Variants in BMAL2 observed in about 807,000 individuals in gnomAD.
The protein encoded by BMAL2 is basic helix-loop-helix ARNT like 2, also known as basic helix-loop-helix ARNT-like protein 2.
At chr12:27,342,835 A>G in the BMAL2 span, among the ~76,000 whole-genome samples, 36 of 152,270 alleles carry the variant, frequency 2.4e-4, no homozygotes, top group Non-Finnish European at 4.0e-4. Flanking sequence ...TCCATGCATC[A>G]TGGTGCTAGT....
the BMAL2 span, among the ~76,000 whole-genome samples, chr12:27,353,744 A>T: frequency 6.6e-6 from 1 of 152,266 alleles, no homozygotes; most frequent in East Asian, 1.9e-4. Context: ...CAACTGTATT[A>T]AAAAAACGGG....
chr12:27,376,898 G>C, the BMAL2 span, among the ~76,000 whole-genome samples: 2 of 150,536 alleles, frequency 1.3e-5, no homozygotes, highest in Non-Finnish European at 2.9e-5. Flanking sequence ...TACTCGGGGG[G>C]ACTGAGGCAG....
At chr12:27,393,792 G>A in the BMAL2 span, among the ~76,000 whole-genome samples, 1 of 152,208 alleles carries the variant, frequency 6.6e-6, no homozygotes, top group Non-Finnish European at 1.5e-5. Flanking sequence ...AAGTACTGCT[G>A]TAGTGGACCT....
the BMAL2 span, among the ~76,000 whole-genome samples, chr12:27,399,662 T>G: frequency 2.0e-5 from 3 of 152,236 alleles, no homozygotes; most frequent in Non-Finnish European, 4.4e-5. Context: ...GTAATGGAAC[T>G]TTTACCAAAT....
At chr12:27,370,669 A>C in the BMAL2 span, among the ~76,000 whole-genome samples, 1 of 151,964 alleles carries the variant, frequency 6.6e-6, no homozygotes, top group African/African-American at 2.4e-5. Flanking sequence ...CAAATGGCGC[A>C]ATCTCGGCTC....
the BMAL2 span, among the ~76,000 whole-genome samples, chr12:27,366,733 G>A: frequency 6.6e-6 from 1 of 152,166 alleles, no homozygotes; most frequent in Non-Finnish European, 1.5e-5. Context: ...ACCAGAAGTA[G>A]ATAAAAAGCT....
chr12:27,377,199 A>G, the BMAL2 span, among the ~76,000 whole-genome samples: 12 of 152,180 alleles, frequency 7.9e-5, no homozygotes, highest in African/African-American at 2.7e-4. Flanking sequence ...CATGGCAGTA[A>G]CTGTACACAG....
At chr12:27,404,835 G>A in the BMAL2 span, among the ~76,000 whole-genome samples, 1 of 152,178 alleles carries the variant, frequency 6.6e-6, no homozygotes, top group Non-Finnish European at 1.5e-5. Flanking sequence ...AAGGGGTCAG[G>A]GAATTCCCTT....
At chr12:27,377,646 C>T in the BMAL2 span, 1 of 152,156 alleles carries the variant, frequency 6.6e-6, no homozygotes, top group Non-Finnish European at 1.5e-5. Context: ...AAGGCAGAGG[C>T]AGAATAATCA....
chr12:27,365,657 G>A, the BMAL2 span, among the ~76,000 whole-genome samples: 1 of 151,428 alleles, frequency 6.6e-6, no homozygotes, highest in Non-Finnish European at 1.5e-5. Context: ...TAAATATTTA[G>A]CATGATTTTT....
the BMAL2 span, among the ~76,000 whole-genome samples, chr12:27,367,873 C>T: frequency 9.9e-5 from 15 of 151,588 alleles, no homozygotes; most frequent in East Asian, 2.3e-3. Context: ...GAGAGGGAGT[C>T]TCGCTCTGTT....
At chr12:27,405,946 T>C in the BMAL2 span, among the ~76,000 whole-genome samples, 24 of 152,166 alleles carry the variant, frequency 1.6e-4, no homozygotes, top group Non-Finnish European at 2.4e-4. Context: ...ACATGACGAA[T>C]GCAAAGCCTC....
chr12:27,385,490 A>AT, the BMAL2 span: 1 of 1,606,268 alleles, frequency 6.2e-7, no homozygotes, highest in Non-Finnish European at 8.5e-7. Flanking sequence ...GGCTTGACAA[A>AT]TTCTTATGTG....
the BMAL2 span, among the ~76,000 whole-genome samples, chr12:27,408,427 G>A: frequency 6.6e-6 from 1 of 152,196 alleles, no homozygotes; most frequent in Non-Finnish European, 1.5e-5. Flanking sequence ...TGGGATGCAA[G>A]GCTGGTTCAA....
the BMAL2 span, chr12:27,377,314 C>T: frequency 6.6e-6 from 1 of 152,208 alleles, no homozygotes; most frequent in African/African-American, 2.4e-5. Flanking sequence ...GGGTGTAGCT[C>T]TTTCAAGTAA....
chr12:27,400,472 T>A, the BMAL2 span: 1 of 1,351,110 alleles, frequency 7.4e-7, no homozygotes, highest in Non-Finnish European at 1.0e-6. Context: ...GATGTCAATA[T>A]AAGAAATTTA....
At chr12:27,365,155 A>T in the BMAL2 span, among the ~76,000 whole-genome samples, 1 of 152,002 alleles carries the variant, frequency 6.6e-6, no homozygotes, top group Non-Finnish European at 1.5e-5. Context: ...CTTCTAATAT[A>T]GAATTAAGGG....
chr12:27,395,838 T>C, the BMAL2 span, among the ~76,000 whole-genome samples: 1 of 152,248 alleles, frequency 6.6e-6, no homozygotes, highest in Admixed American at 6.5e-5. Flanking sequence ...TTCCAGGTTC[T>C]CCCACTAGAC....
At chr12:27,372,580 T>C in the BMAL2 span, among the ~76,000 whole-genome samples, 249 of 152,372 alleles carry the variant, frequency 1.6e-3, 2 homozygotes, top group African/African-American at 5.4e-3. Context: ...ACTGCTATAC[T>C]GTTTTCCACA....
Sources: allele counts gnomAD v4.1 joint callset (sites outside exome capture counted in the v4.1 genomes callset), GRCh38; gene constraint gnomAD v4.1.1; transcripts MANE v1.5; gene names NCBI Gene and HGNC (gene_info 2026-07-23, HGNC 2026-07-21).